The following BCAS4 variants were observed in gnomAD, a reference collection of about 807,000 sequenced individuals.
BCAS4 encodes the protein breast carcinoma amplified sequence 4, also known as breast carcinoma-amplified sequence 4.
A neutral mutation model predicts 15.7 loss-of-function variants in BCAS4; 9 were observed. The ratio of observed to expected loss-of-function variants is 0.57; its 90% CI spans 0.34 to 1.00. BCAS4 has a LOEUF of 1.00. BCAS4 is among the 50% of genes least tolerant of loss of function. The pLI, the probability that BCAS4 is intolerant of heterozygous loss-of-function variation, is 0.02. For synonymous variants in BCAS4, 101 were observed against 99.5 expected, an observed-to-expected ratio of 1.02 and a Z score of -0.09; for missense variants, 225 against 239.1, an observed-to-expected ratio of 0.94 and a Z score of 0.39.
intron 4 of BCAS4, among the ~76,000 whole-genome samples, chr20:50,848,535 T>C (rs2088574667): frequency 6.6e-6 from 1 of 152,188 alleles, no homozygotes; most frequent in South Asian, 2.1e-4. Context: ...GGGACCAGAT[T>C]GTGCAGGGTC....
intron 4 of BCAS4, among the ~76,000 whole-genome samples, chr20:50,875,824 T>C (rs1979905802): frequency 6.6e-6 from 1 of 151,886 alleles, no homozygotes; most frequent in African/African-American, 2.4e-5. Flanking sequence ...CCACAGCCAC[T>C]GTACCCAGGC....
intron 2 of BCAS4, among the ~76,000 whole-genome samples, chr20:50,825,167 A>C (rs993575659): frequency 1.3e-5 from 2 of 152,200 alleles, no homozygotes. Context: ...GTGAGAGTTC[A>C]TGGAGTGTGC....
chr20:50,811,378 T>A (rs914462288), intron 1 of BCAS4, among the ~76,000 whole-genome samples: 1 of 151,880 alleles, frequency 6.6e-6, no homozygotes, highest in African/African-American at 2.4e-5. Context: ...GAAAAAAAAA[T>A]TGGTATATAA....
At chr20:50,803,817 A>G (rs555546354) in intron 1 of BCAS4, among the ~76,000 whole-genome samples, 10 of 151,898 alleles carry the variant, frequency 6.6e-5, no homozygotes, top group African/African-American at 2.4e-4. Context: ...AAAAAAAAAA[A>G]AAAGAGAGAG....
intron 1 of BCAS4, among the ~76,000 whole-genome samples, chr20:50,801,197 CG>C (rs2087922488): frequency 6.6e-6 from 1 of 151,980 alleles, no homozygotes; most frequent in African/African-American, 2.4e-5. Flanking sequence ...GAGGCCGAGG[CG>C]GGTGGATCAT....
intron 4 of BCAS4, among the ~76,000 whole-genome samples, chr20:50,845,293 G>A (rs183920587): frequency 2.1e-3 from 318 of 152,240 alleles, no homozygotes; most frequent in African/African-American, 7.3e-3. Flanking sequence ...CTGCTCTCTG[G>A]GAGGTGAGAG....
intron 4 of BCAS4, among the ~76,000 whole-genome samples, chr20:50,846,486 A>C (rs1169249288): frequency 6.6e-6 from 1 of 151,784 alleles, no homozygotes; most frequent in Non-Finnish European, 1.5e-5. Flanking sequence ...TACCTTTTTG[A>C]GATCTTAACG....
intron 3 of BCAS4, 101 bp from the exon 4 acceptor site, chr20:50,841,665 A>AG (rs2088482955): frequency 6.6e-7 from 1 of 1,516,596 alleles, no homozygotes; most frequent in African/African-American, 1.4e-5. Flanking sequence ...GGCTGGTCGC[A>AG]GTGATGAAAG....
At chr20:50,815,313 C>T (rs1030207146) in intron 1 of BCAS4, among the ~76,000 whole-genome samples, 2 of 152,168 alleles carry the variant, frequency 1.3e-5, no homozygotes, top group Non-Finnish European at 2.9e-5. Context: ...GGGGCATGGG[C>T]TTCCGTGGCC....
chr20:50,859,056 C>T (rs1172408592), intron 4 of BCAS4, among the ~76,000 whole-genome samples: 1 of 152,010 alleles, frequency 6.6e-6, no homozygotes, highest in Admixed American at 6.6e-5. Flanking sequence ...ACCTCAGCCC[C>T]CCGCAAGTAG....
At position 50,850,979 on chromosome 20, in the gene BCAS4, G is replaced by A. The variant is rs531966426; in HGVS notation, c.399+9079G>A. 5.9e-5 allele frequency among the ~76,000 whole-genome samples: 9 copies of A among 152,250 alleles called. No individual in the cohort carries two copies. In the South Asian group the frequency reaches 1.0e-3, roughly 18 times the overall value. ...CCTGCCCGGGCTGCCTGTAGGAGTC[G>A]TCAGTGCCAGGCTCAGCGTGCTCCC... is the stretch of plus-strand genomic sequence containing the variant. On this transcript the variant is annotated intron_variant, in intron 4 of 4. Transcript: ENST00000371608.
intron 1 of BCAS4, among the ~76,000 whole-genome samples, chr20:50,808,780 G>A (rs547485668): frequency 1.3e-5 from 2 of 152,232 alleles, no homozygotes; most frequent in East Asian, 3.9e-4. Context: ...CTCCCACTCT[G>A]TGGGTTGTCT....
chr20:50,836,896 A>G (rs144326448), intron 3 of BCAS4, among the ~76,000 whole-genome samples: 65 of 152,018 alleles, frequency 4.3e-4, no homozygotes, highest in African/African-American at 1.4e-3. Flanking sequence ...TTCTGTAGAG[A>G]TGGAATTTTG....
intron 2 of BCAS4, 62 bp downstream of exon 2, chr20:50,818,344 G>A: frequency 8.1e-7 from 1 of 1,238,636 alleles, no homozygotes; most frequent in Non-Finnish European, 1.1e-6. Flanking sequence ...CCTTGCTGGA[G>A]TTTTCTGCGG....
At chr20:50,853,138 C>CTTTT (rs1978533136) in intron 4 of BCAS4, among the ~76,000 whole-genome samples, 1 of 140,014 alleles carries the variant, frequency 7.1e-6, no homozygotes, top group Non-Finnish European at 1.5e-5. Context: ...CATCCCCTTT[C>CTTTT]ATTTTTTTTT....
At chr20:50,841,722 C>G (rs1425869893) in intron 3 of BCAS4, 44 bp from the exon 4 acceptor site, 1 of 1,613,328 alleles carries the variant, frequency 6.2e-7, no homozygotes, top group Non-Finnish European at 8.5e-7. Flanking sequence ...GAATGGGCTC[C>G]AGCCTGCACA....
At chr20:50,815,808 G>A (rs568706370) in intron 1 of BCAS4, among the ~76,000 whole-genome samples, 39 of 152,284 alleles carry the variant, frequency 2.6e-4, no homozygotes, top group African/African-American at 8.2e-4. Flanking sequence ...CAAGTGGGTG[G>A]TGAGGGAGCC....
intron 4 of BCAS4, among the ~76,000 whole-genome samples, chr20:50,873,283 C>CA (rs1277716200): frequency 6.6e-6 from 1 of 152,166 alleles, no homozygotes; most frequent in Non-Finnish European, 1.5e-5. Flanking sequence ...AGAACCATTT[C>CA]AAAAAGGAAC....
In BCAS4 at chr20:50,863,086, T is replaced by C. The variant is rs369486794; in HGVS notation, c.400-13400T>C. On this transcript the variant is annotated intron_variant, in intron 4 of 4. Transcript: ENST00000371608. The stretch of plus-strand genomic sequence containing the variant: ...GCTCAAGTGATCTGCCCGCCTTGCC[T>C]CCCAAAGTGCTGGGATTACAGGCAT... Among the ~76,000 whole-genome samples, 4 of 150,886 alleles carry C rather than the reference T, an allele frequency of 2.7e-5. No homozygotes were observed. The South Asian group carries it at 8.5e-4, about 32-fold the overall frequency.
Sources: gnomAD v4.1 joint callset for allele counts (sites outside exome capture counted in the v4.1 genomes callset) on GRCh38, gnomAD v4.1.1 for gene constraint, MANE v1.5 for transcripts, NCBI Gene and HGNC (gene_info 2026-07-23, HGNC 2026-07-21) for gene names.